MRTFB: variants seen among roughly 807,000 people sequenced by gnomAD.
The protein encoded by MRTFB is myocardin-related transcription factor B.
In MRTFB, 29 loss-of-function variants were observed where a neutral mutation model predicts 104.2. The ratio of observed to expected loss-of-function variants is 0.28; its 90% CI spans 0.21 to 0.38. The LOEUF is 0.38. MRTFB is among the 10% of genes least tolerant of loss of function. MRTFB has a pLI of 1.00. For synonymous variants in MRTFB, 535 were observed against 519.5 expected, an observed-to-expected ratio of 1.03 and a Z score of -0.41; for missense variants, 1,270 against 1,341.6, an observed-to-expected ratio of 0.95 and a Z score of 0.83.
At chr16:14,012,832 C>T in the MRTFB span, among the ~76,000 whole-genome samples, 1 of 152,254 alleles carries the variant, frequency 6.6e-6, no homozygotes, top group Admixed American at 6.5e-5. Context: ...GGCCCTGGAG[C>T]TTTCAGCCTG....
chr16:14,241,451 G>A (rs1198771737), intron 10 of MRTFB: 1 of 152,048 alleles, frequency 6.6e-6, no homozygotes, highest in Non-Finnish European at 1.5e-5. Flanking sequence ...TGCTTTTTCT[G>A]GGAAACAGAG....
the MRTFB span, among the ~76,000 whole-genome samples, chr16:14,034,421 G>C: frequency 0.88 from 133,551 of 152,076 alleles, 58,760 homozygotes; most frequent in Non-Finnish European, 0.9. Context: ...CAAGACCAGT[G>C]TGGCCAACAT....
the MRTFB span, among the ~76,000 whole-genome samples, chr16:14,060,976 C>A: frequency 6.6e-6 from 1 of 151,828 alleles, no homozygotes; most frequent in Non-Finnish European, 1.5e-5. Flanking sequence ...GAAACCCTGT[C>A]TCTACTAAAA....
intron 13 of MRTFB, among the ~76,000 whole-genome samples, chr16:14,250,447 T>G (rs929491813): frequency 1.3e-5 from 2 of 152,134 alleles, no homozygotes; most frequent in Admixed American, 1.3e-4. Flanking sequence ...AACAAAACAT[T>G]TTGGAGTTCC....
the MRTFB span, among the ~76,000 whole-genome samples, chr16:14,011,874 A>AAAT: frequency 2.0e-5 from 3 of 152,226 alleles, no homozygotes; most frequent in Non-Finnish European, 2.9e-5. Context: ...TCCGTCTCAC[A>AAAT]AATAATAATA....
At chr16:14,010,751 T>C in the MRTFB span, among the ~76,000 whole-genome samples, 1 of 152,344 alleles carries the variant, frequency 6.6e-6, no homozygotes, top group African/African-American at 2.4e-5. Flanking sequence ...TAGAGTTGCC[T>C]TGTCCAATAT....
chr16:14,055,910 A>T, the MRTFB span, among the ~76,000 whole-genome samples: 2 of 151,882 alleles, frequency 1.3e-5, no homozygotes, highest in Admixed American at 1.3e-4. Flanking sequence ...TACCTGCAGA[A>T]ATTTCTACTG....
chr16:14,090,035 A>AAC (rs957726114), intron 2 of MRTFB, among the ~76,000 whole-genome samples: 4 of 152,042 alleles, frequency 2.6e-5, no homozygotes, highest in Non-Finnish European at 5.9e-5. Flanking sequence ...CACACCCCCA[A>AAC]ACACCCCCAC....
the MRTFB span, among the ~76,000 whole-genome samples, chr16:14,014,015 C>G: frequency 5.1e-4 from 77 of 152,244 alleles, no homozygotes; most frequent in Non-Finnish European, 9.4e-4. Flanking sequence ...TTTTATTTTT[C>G]GCTTAGTCGT....
At position 14,263,344 on chromosome 16, in the gene MRTFB, G is replaced by A. The variant is rs2043839524; in HGVS notation, c.*1900G>A. 6.6e-6 allele frequency: 1 copy of A among 152,150 alleles called. No individual in the cohort carries two copies. Among genetic ancestry groups the A allele is most frequent in the South Asian group, 2.1e-4 (1 of 4,828 alleles). The allele number at this position is 152,150 out of a possible 1,614,324, so 9.4% of individuals were successfully genotyped here. A position where few individuals can be genotyped will look rare whatever the true frequency, so the allele number is the denominator to read the frequency against. On this transcript the variant is annotated 3_prime_UTR_variant, in exon 17 of 17. Transcript: ENST00000571589. ...ATCCTCGAGTCAGTTCCATTGAGAG[G>A]GGCCTGTCTCCAGGGCCAGGCTATT...
At position 14,213,586 on chromosome 16, in the gene MRTFB, T is replaced by G. The variant is rs773906675; in HGVS notation, c.318T>G (p.Asp106Glu). The G allele has an allele frequency of 1.9e-6, 3 of 1,606,012 alleles. No individual in the cohort carries two copies. The East Asian group carries it at 6.7e-5, about 36-fold the overall frequency. ...FLKHKIRSRP[D>E]RSELVRMHIL... ...AACACAAGATTCGGAGTCGACCAGA[T>G]CGTTCTGAACTTGTCAGGATGCACA... is the stretch of plus-strand genomic sequence containing the variant. The change falls in exon 6 of 17, where the codon GAT (aspartate) becomes GAG (glutamate). Residue 106 changes from aspartate (D) to glutamate (E), a missense_variant. By Grantham distance (45) the Asp-to-Glu change is conservative. Around this residue, in one of 3 missense-constraint regions of MRTFB, gnomAD observed 64 missense variants for 152.9 expected, o/e 0.42. Coordinates refer to ENST00000571589, the MANE Select transcript of MRTFB (RefSeq NM_001308142.2).
intron 8 of MRTFB, among the ~76,000 whole-genome samples, chr16:14,230,020 A>T (rs971876367): frequency 6.6e-6 from 1 of 152,188 alleles, no homozygotes; most frequent in African/African-American, 2.4e-5. Flanking sequence ...TTTAAATAAT[A>T]AAAGTATTCT....
In MRTFB at chr16:14,246,463, G is replaced by A; in HGVS notation, c.1213-10G>A. Reference sequence around the variant, plus strand: ...TAATACTAAGATATCTGCTTTGTTTGTACCTCCAGGTATCAGAACTGAAGA... The same window carrying A: ...TAATACTAAGATATCTGCTTTGTTTATACCTCCAGGTATCAGAACTGAAGA... On this transcript the variant is annotated splice_polypyrimidine_tract_variant and intron_variant, in intron 11 of 16. Coordinates refer to ENST00000571589, the MANE Select transcript of MRTFB (RefSeq NM_001308142.2). 2 of 1,612,150 alleles carry A rather than the reference G, an allele frequency of 1.2e-6. No individual in the cohort carries two copies. Among genetic ancestry groups the A allele is most frequent in the Non-Finnish European group, 8.5e-7 (1 of 1,178,596 alleles).
Position 14,234,213 on chromosome 16 carries a change from C to T in MRTFB, c.761C>T (p.Pro254Leu). The T allele has an allele frequency of 1.2e-6, 2 of 1,614,164 alleles. No homozygotes were observed. The highest frequency in any genetic ancestry group is 1.1e-5 in the South Asian group (1 of 91,082). ...KTPPTADQPP[P>L]RPAAPVLPTN... ...CCTCCAACTGCAGATCAGCCTCCCC[C>T]ACGGCCTGCAGCTCCTGTCCTCCCC... is the stretch of plus-strand genomic sequence containing the variant. The change falls in exon 9 of 17, where the codon CCA becomes CTA. Residue 254 changes from proline (P) to leucine (L), a missense_variant. Coordinates refer to ENST00000571589, the MANE Select transcript of MRTFB (RefSeq NM_001308142.2).
chr16:14,024,917 C>T, the MRTFB span, among the ~76,000 whole-genome samples: 1 of 152,126 alleles, frequency 6.6e-6, no homozygotes, highest in African/African-American at 2.4e-5. Context: ...ATGTAAATTT[C>T]CCCAAGGTCC....
the MRTFB span, among the ~76,000 whole-genome samples, chr16:14,056,930 T>C: frequency 6.6e-6 from 1 of 152,222 alleles, no homozygotes; most frequent in Admixed American, 6.5e-5. Flanking sequence ...GTTTTTTAAT[T>C]GAAAGACTGA....
intron 15 of MRTFB, among the ~76,000 whole-genome samples, chr16:14,253,724 G>A (rs1234910644): frequency 1.3e-5 from 2 of 152,212 alleles, no homozygotes; most frequent in South Asian, 2.1e-4. Flanking sequence ...CTTGGAGGAA[G>A]TGGAACCTAC....
At chr16:14,214,165 C>G (rs2041317152) in intron 6 of MRTFB, among the ~76,000 whole-genome samples, 1 of 152,182 alleles carries the variant, frequency 6.6e-6, no homozygotes, top group Non-Finnish European at 1.5e-5. Context: ...TCCATTCCAT[C>G]TTTGGTTAAC....
Position 14,247,153 on chromosome 16 carries a change from C to T in MRTFB, c.1893C>T (p.His631=), listed in dbSNP as rs370660473. ...ATTCTGTCAAGTCAGATCAGAAGCA[C>T]GGCAGCCTTGGCTCCTCCATCAAAG... ...PGHSVKSDQK[H]GSLGSSIKDE... The change falls in exon 12 of 17, where the codon CAC becomes CAT. Residue 631 remains histidine, a synonymous_variant. Transcript: ENST00000571589. The T allele has an allele frequency of 5.9e-5, 96 of 1,614,166 alleles. 1 individual carries two copies. In the East Asian group the frequency reaches 9.1e-4, roughly 15 times the overall value.
Sources: gnomAD v4.1 joint callset for allele counts (sites outside exome capture counted in the v4.1 genomes callset) on GRCh38, gnomAD v4.1.1 for gene constraint, gnomAD v4.1.1 regional missense constraint, MANE v1.5 for transcripts, NCBI Gene and HGNC (gene_info 2026-07-23, HGNC 2026-07-21) for gene names.